Variants in AHCTF1 observed in about 807,000 individuals in gnomAD.
AHCTF1 encodes the protein AT-hook containing transcription factor 1.
Under a neutral mutation model 248.4 loss-of-function variants are expected in AHCTF1, and 24 were observed. The observed-to-expected ratio is 0.10, with a 90% CI of 0.07 to 0.14. The LOEUF is 0.14. Ranked by LOEUF, AHCTF1 falls within the 10% of genes least tolerant of loss-of-function variation. AHCTF1 has a pLI of 1.00. For missense variants in AHCTF1, 2,206 were observed against 2,636.2 expected, an observed-to-expected ratio of 0.84 and a Z score of 3.57; for synonymous variants, 786 against 929.8, an observed-to-expected ratio of 0.85 and a Z score of 2.81.
Position 246,903,943 on chromosome 1 carries a change from A to G in AHCTF1, c.966+6T>C. 1 of 1,609,590 alleles carries G rather than the reference A, an allele frequency of 6.2e-7. No individual in the cohort carries two copies. Among genetic ancestry groups the G allele is most frequent in the Non-Finnish European group, 8.5e-7 (1 of 1,175,906 alleles). ...AATATAAACCCATAGTCCAATGACC[A>G]TTTACCTCATATAAGATTTGTCCTG... On this transcript the variant is annotated splice_donor_region_variant and intron_variant, in intron 7 of 35. Coordinates refer to ENST00000648844, the MANE Select transcript of AHCTF1 (RefSeq NM_001323342.2).
chr1:246,878,669 T>TA (rs1051066158), intron 21 of AHCTF1, among the ~76,000 whole-genome samples: 14 of 152,130 alleles, frequency 9.2e-5, no homozygotes, highest in Admixed American at 2.6e-4. Flanking sequence ...CAAGGCAGAA[T>TA]AAAAAATGGC....
In AHCTF1 at chr1:246,861,051, G is replaced by A. The variant is rs774592486; in HGVS notation, c.3980C>T (p.Pro1327Leu). 1.9e-5 allele frequency: 31 copies of A among 1,613,886 alleles called. No individual in the cohort carries two copies. The highest frequency in any genetic ancestry group is 2.7e-5 in the African/African-American group (2 of 74,916). Residue 1327 changes from proline (P) to leucine (L), a missense_variant, in exon 29 of 36, where the codon CCG (proline) becomes CTG (leucine). Physicochemically the swap from Pro to Leu is moderately conservative, Grantham distance 98. Around this residue, in one of 6 missense-constraint regions of AHCTF1, gnomAD observed 955 missense variants for 1,055.6 expected, o/e 0.90. Transcript: ENST00000648844. ...GAAAACAGTCTCTTCAAGGTCTTCC[G>A]GTGACGGTGCATCCTGATACTCTAA... is the stretch of plus-strand genomic sequence containing the variant. Reference protein sequence around the residue: ...TTLEYQDAPSPEDLEETVFTA... With the variant: ...TTLEYQDAPSLEDLEETVFTA...
intron 1 of AHCTF1, among the ~76,000 whole-genome samples, chr1:246,927,134 T>C (rs1385343396): frequency 6.0e-5 from 9 of 149,374 alleles, no homozygotes; most frequent in Middle Eastern, 7.1e-3. Flanking sequence ...GCCAAGATCG[T>C]GCCACTGCAC....
intron 20 of AHCTF1, 41 bp from the exon 21 acceptor site, chr1:246,885,721 T>A (rs565510367): frequency 6.5e-7 from 1 of 1,530,092 alleles, no homozygotes; most frequent in South Asian, 1.2e-5. Flanking sequence ...AATATAATCC[T>A]ATACATTTAG....
chr1:246,850,949 GAAGTAATTTCTT>G lies in AHCTF1; in HGVS notation c.5045_5056del (p.Lys1682_Ser1686delinsThr), dbSNP rs1324527848. 2 of 1,613,778 alleles carry G rather than the reference GAAGTAATTTCTT, an allele frequency of 1.2e-6. No homozygotes were observed. The highest frequency in any genetic ancestry group is 1.7e-6 in the Non-Finnish European group (2 of 1,179,864). Reference sequence around the variant, plus strand: ...ATGAATGGACTGTTCCATTGTATCTGAAGTAATTTCTTTACTTCTTGTGTCTTTAATTACATC... The same window carrying G: ...ATGAATGGACTGTTCCATTGTATCTGTACTTCTTGTGTCTTTAATTACATC... On this transcript the variant is annotated inframe_deletion, in exon 33 of 36. Coordinates refer to ENST00000648844, the MANE Select transcript of AHCTF1 (RefSeq NM_001323342.2).
intron 21 of AHCTF1, among the ~76,000 whole-genome samples, chr1:246,884,393 A>G (rs192835938): frequency 4.8e-4 from 73 of 152,322 alleles, no homozygotes; most frequent in African/African-American, 1.7e-3. Context: ...CTATTTAACC[A>G]AAGAGAACCA....
chr1:246,868,241 G>T (rs1662166560), intron 24 of AHCTF1, among the ~76,000 whole-genome samples: 1 of 151,250 alleles, frequency 6.6e-6, no homozygotes. Context: ...TGATTTTCCT[G>T]CCTTAGCCTC....
At chr1:246,852,177 G>A (rs1337806733) in intron 32 of AHCTF1, 1 of 152,228 alleles carries the variant, frequency 6.6e-6, no homozygotes, top group Non-Finnish European at 1.5e-5. Context: ...ATGACAGATT[G>A]GAAATAACCT....
intron 29 of AHCTF1, among the ~76,000 whole-genome samples, chr1:246,858,810 A>T (rs1572374097): frequency 6.6e-6 from 1 of 152,014 alleles, no homozygotes; most frequent in East Asian, 1.9e-4. Context: ...AAAAAAAAAA[A>T]AAAATAAATA....
intron 24 of AHCTF1, among the ~76,000 whole-genome samples, chr1:246,869,082 G>C (rs1240685120): frequency 1.3e-5 from 2 of 151,230 alleles, no homozygotes; most frequent in Non-Finnish European, 2.9e-5. Context: ...CTGACCTCGT[G>C]ATCCGCCCGC....
In AHCTF1 at chr1:246,847,289, CAAAAAA is replaced by C. The variant is rs573947202; in HGVS notation, c.6391+2320_6391+2325del. ...GGGTAACAACAGCCAAACTCCATCTCAAAAAAAAAAAACAAACAAAAAAAAAACTGA... is the reference window on the plus strand; with the variant it reads ...GGGTAACAACAGCCAAACTCCATCTCAAAAAACAAACAAAAAAAAAACTGA... On this transcript the variant is annotated intron_variant, in intron 33 of 35. Transcript: ENST00000648844. Among the ~76,000 whole-genome samples the C allele has an allele frequency of 3.0e-5, 3 of 98,786 alleles. No individual in the cohort carries two copies. The South Asian group carries it at 9.6e-4, about 32-fold the overall frequency. The allele number at this position is 98,786 out of a possible 152,430, so 64.8% of individuals were successfully genotyped here.
chr1:246,867,255 T>C lies in AHCTF1; in HGVS notation c.3336A>G (p.Gln1112=), dbSNP rs1312386128. 3.1e-6 allele frequency: 5 copies of C among 1,590,070 alleles called. No individual in the cohort carries two copies. Among genetic ancestry groups the C allele is most frequent in the Non-Finnish European group, 4.3e-6 (5 of 1,164,792 alleles). ...FFGTPISKAS[Q]KISRLLDLVV... ...TAATAAACTCTTACCTAGAAATTTTTTGTGATGCTTTTGAAATTGGTGTTC... is the reference window on the plus strand; with the variant it reads ...TAATAAACTCTTACCTAGAAATTTTCTGTGATGCTTTTGAAATTGGTGTTC... The change falls in exon 26 of 36, where the codon CAA becomes CAG. Residue 1112 remains glutamine (Q), a synonymous_variant. Transcript: ENST00000648844.
At chr1:246,925,330 C>A (rs540495342) in intron 1 of AHCTF1, among the ~76,000 whole-genome samples, 29 of 152,258 alleles carry the variant, frequency 1.9e-4, no homozygotes, top group African/African-American at 6.0e-4. Context: ...GGATAACACA[C>A]AAAAAGCATT....
intron 24 of AHCTF1, among the ~76,000 whole-genome samples, chr1:246,871,765 C>T (rs1418455044): frequency 6.6e-6 from 1 of 152,034 alleles, no homozygotes; most frequent in East Asian, 1.9e-4. Context: ...ATATTAAAAA[C>T]ATTACAGCTA....
chr1:246,908,716 T>A (rs1394848834), intron 4 of AHCTF1, among the ~76,000 whole-genome samples: 1 of 135,006 alleles, frequency 7.4e-6, no homozygotes, highest in Non-Finnish European at 1.6e-5. Context: ...TGAAACCCAG[T>A]CTCTACTAAA....
At position 246,898,218 on chromosome 1, in the gene AHCTF1, C is replaced by T. The variant is rs1056325638; in HGVS notation, c.1613G>A (p.Ser538Asn). 1 of 1,612,088 alleles carries T rather than the reference C, an allele frequency of 6.2e-7. No homozygotes were observed. Among genetic ancestry groups the T allele is most frequent in the Non-Finnish European group, 8.5e-7 (1 of 1,179,950 alleles). Residue 538 changes from serine (S) to asparagine (N), a missense_variant, in exon 12 of 36, where the codon AGT becomes AAT. Coordinates refer to ENST00000648844, the MANE Select transcript of AHCTF1 (RefSeq NM_001323342.2). ...SPRFVDVQPS[S>N]LSQEEQLEAI... The stretch of plus-strand genomic sequence containing the variant: ...TAAAAATCATCTCACTTGGCTTAAA[C>T]TGGAAGGCTGAACATCAACAAATCT...
intron 30 of AHCTF1, among the ~76,000 whole-genome samples, chr1:246,856,945 A>G (rs1421115568): frequency 6.6e-6 from 1 of 152,228 alleles, no homozygotes. Flanking sequence ...CCTTACTACT[A>G]CTTGATAACT....
intron 29 of AHCTF1, among the ~76,000 whole-genome samples, chr1:246,859,528 T>C (rs1661365945): frequency 6.6e-6 from 1 of 152,212 alleles, no homozygotes; most frequent in Admixed American, 6.5e-5. Context: ...CTAACAGGAA[T>C]ACATACTTCA....
At position 246,891,076 on chromosome 1, in the gene AHCTF1, A is replaced by T; in HGVS notation, c.1946-16T>A. 2 of 1,503,584 alleles carry T rather than the reference A, an allele frequency of 1.3e-6. No homozygotes were observed. The highest frequency in any genetic ancestry group is 1.4e-5 in the South Asian group (1 of 72,382). The allele number at this position is 1,503,584 out of a possible 1,614,324, so 93.1% of individuals were successfully genotyped here. On this transcript the variant is annotated splice_polypyrimidine_tract_variant and intron_variant, in intron 15 of 35. Coordinates refer to ENST00000648844, the MANE Select transcript of AHCTF1 (RefSeq NM_001323342.2). ...TCTATCAGTCCTGTAAAGAAGAGTT[A>T]ACATCAGTTGTTTACTTACAAAAAA...
Sources: allele counts gnomAD v4.1 joint callset (sites outside exome capture counted in the v4.1 genomes callset), GRCh38; gene constraint gnomAD v4.1.1; regional missense constraint gnomAD v4.1.1; transcripts MANE v1.5; gene names NCBI Gene and HGNC (gene_info 2026-07-23, HGNC 2026-07-21).